MAN1C1: variants seen among roughly 807,000 people sequenced by gnomAD.
The protein encoded by MAN1C1 is mannosyl-oligosaccharide 1,2-alpha-mannosidase IC.
Under a neutral mutation model 71.5 loss-of-function variants are expected in MAN1C1, and 49 were observed. That is an observed-to-expected ratio of 0.69 (90% CI 0.54 to 0.87). The LOEUF (loss-of-function observed/expected upper bound fraction) is 0.87, where lower values mean the gene tolerates loss of function less well. Among genes scored for constraint, MAN1C1 ranks in the 40% least tolerant of loss-of-function variants. MAN1C1 has a pLI of 0.00. For synonymous variants in MAN1C1, 352 were observed against 343.7 expected, an observed-to-expected ratio of 1.02 and a Z score of -0.27; for missense variants, 743 against 835.0, an observed-to-expected ratio of 0.89 and a Z score of 1.36.
At position 25,617,946 on chromosome 1, in the gene MAN1C1, A is replaced by T; in HGVS notation, c.149A>T (p.Lys50Met). 1 of 1,607,712 alleles carries T rather than the reference A, an allele frequency of 6.2e-7. No individual in the cohort carries two copies. The highest frequency in any genetic ancestry group is 1.1e-5 in the South Asian group (1 of 90,388). ...LFLLPHSSRL[K>M]RLFLAPRTQQ... is the part of the protein sequence containing the mutation. The stretch of plus-strand genomic sequence containing the variant: ...CTGCTGCCCCACTCCTCTCGCCTCA[A>T]GCGCCTCTTCCTGGCCCCCCGGACC... Residue 50 changes from lysine to methionine, a missense_variant, in exon 1 of 12, where the codon AAG becomes ATG. Coordinates refer to ENST00000374332, the MANE Select transcript of MAN1C1 (RefSeq NM_020379.4). The surrounding 1 kb of genome is among the most constrained non-coding windows in gnomAD (Gnocchi z 5.1).
chr1:25,730,578 T>G lies in MAN1C1; in HGVS notation c.638-16090T>G, dbSNP rs1353808467. ...GGCTTCGATCTTTAGGAAATTGAAC[T>G]GTGTGTTTTCTCTGAAGCGGAGAGC... On this transcript the variant is annotated intron_variant, in intron 2 of 11. Coordinates refer to ENST00000374332, the MANE Select transcript of MAN1C1 (RefSeq NM_020379.4). The surrounding 1 kb of genome is among the most constrained non-coding windows in gnomAD (Gnocchi z 4.3). Among the ~76,000 whole-genome samples, 2 of 152,132 alleles carry G rather than the reference T, an allele frequency of 1.3e-5. No homozygotes were observed. Among genetic ancestry groups the G allele is most frequent in the African/African-American group, 2.4e-5 (1 of 41,426 alleles).
At chr1:25,694,664 C>T (rs1033403754) in intron 2 of MAN1C1, among the ~76,000 whole-genome samples, 7 of 152,186 alleles carry the variant, frequency 4.6e-5, no homozygotes, top group Admixed American at 3.9e-4. Flanking sequence ...TCATACTCTC[C>T]CCCTCCACAC....
intron 1 of MAN1C1, among the ~76,000 whole-genome samples, chr1:25,641,523 G>GT (rs879597089): frequency 2.0e-5 from 3 of 152,178 alleles, no homozygotes; most frequent in Non-Finnish European, 4.4e-5. Flanking sequence ...TTAGACCAGG[G>GT]TATCTACCCT....
chr1:25,781,500 C>T (rs1423628563), intron 10 of MAN1C1, among the ~76,000 whole-genome samples: 1 of 152,186 alleles, frequency 6.6e-6, no homozygotes, highest in African/African-American at 2.4e-5. Context: ...CACCTCCCTC[C>T]TCTTCCCACA....
chr1:25,722,463 T>C (rs778777982), intron 2 of MAN1C1, among the ~76,000 whole-genome samples: 15 of 152,240 alleles, frequency 9.9e-5, no homozygotes, highest in Non-Finnish European at 1.6e-4. Context: ...CTCTTCATTT[T>C]TGGTTCTACT....
chr1:25,747,580 G>A (rs1253688026), intron 3 of MAN1C1, among the ~76,000 whole-genome samples: 1 of 152,178 alleles, frequency 6.6e-6, no homozygotes, highest in Non-Finnish European at 1.5e-5. Context: ...ACAGGTCTGG[G>A]GCTGGTTCCT....
chr1:25,769,176 CAT>C lies in MAN1C1; in HGVS notation c.1142-2480_1142-2479del. 6.6e-6 allele frequency among the ~76,000 whole-genome samples: 1 copy of C among 150,378 alleles called. No individual in the cohort carries two copies. Among genetic ancestry groups the C allele is most frequent in the South Asian group, 2.1e-4 (1 of 4,744 alleles). ...ACACATTCCACACACACACCCCACA[CAT>C]TACACACACTCGCCTCATGCACACA... On this transcript the variant is annotated intron_variant, in intron 7 of 11. Coordinates refer to ENST00000374332, the MANE Select transcript of MAN1C1 (RefSeq NM_020379.4). This position sits in a 1 kb window ranked among gnomAD's most constrained non-coding sequence, Gnocchi z 4.8.
chr1:25,771,377 G>A (rs976414081), intron 7 of MAN1C1, among the ~76,000 whole-genome samples: 1 of 151,898 alleles, frequency 6.6e-6, no homozygotes, highest in Non-Finnish European at 1.5e-5. Flanking sequence ...AGGCCCTGCC[G>A]TCCCCAGCCT....
intron 1 of MAN1C1, among the ~76,000 whole-genome samples, chr1:25,679,167 C>T (rs542585123): frequency 3.9e-5 from 6 of 152,256 alleles, no homozygotes; most frequent in South Asian, 2.1e-4. Flanking sequence ...GTGGGAGAAG[C>T]GGGCATGAGG....
In MAN1C1 at chr1:25,746,747, C is replaced by T; in HGVS notation, c.717C>T (p.Ala239=). ...AGCTGAAGGAGGAGTTCCAGGAGGCCAAGGCCTGGGTGGGAGAGAGCTTCC... is the reference window on the plus strand; with the variant it reads ...AGCTGAAGGAGGAGTTCCAGGAGGCTAAGGCCTGGGTGGGAGAGAGCTTCC... ...LMELKEEFQE[A]KAWVGESFHL... Residue 239 remains alanine (A), a synonymous_variant, in exon 3 of 12, where the codon GCC becomes GCT. Transcript: ENST00000374332. The surrounding 1 kb of genome is among the most constrained non-coding windows in gnomAD (Gnocchi z 4.0). The T allele has an allele frequency of 6.2e-7, 1 of 1,612,136 alleles. No homozygotes were observed. Among genetic ancestry groups the T allele is most frequent in the Non-Finnish European group, 8.5e-7 (1 of 1,179,604 alleles).
intron 1 of MAN1C1, among the ~76,000 whole-genome samples, chr1:25,637,868 T>C (rs143340840): frequency 6.6e-6 from 1 of 151,604 alleles, no homozygotes; most frequent in African/African-American, 2.4e-5. Flanking sequence ...TCAGCTTTCA[T>C]ATGATTAGTG....
intron 1 of MAN1C1, among the ~76,000 whole-genome samples, chr1:25,683,278 G>T (rs2046180470): frequency 6.6e-6 from 1 of 152,144 alleles, no homozygotes; most frequent in East Asian, 1.9e-4. Context: ...AGCTTCCCTT[G>T]AGACACACAC....
rs749227451 is a variant in MAN1C1, at chr1:25,631,844, C to T, written c.540+13507C>T. On this transcript the variant is annotated intron_variant, in intron 1 of 11. Coordinates refer to ENST00000374332, the MANE Select transcript of MAN1C1 (RefSeq NM_020379.4). This position sits in a 1 kb window ranked among gnomAD's most constrained non-coding sequence, Gnocchi z 4.2. Reference sequence around the variant, plus strand: ...GGAGTGTAGTGGCGCGATCTCAGCTCACTGCAACCTCTGCCTGCTTAGGTT... The same window carrying T: ...GGAGTGTAGTGGCGCGATCTCAGCTTACTGCAACCTCTGCCTGCTTAGGTT... Among the ~76,000 whole-genome samples, 8 of 152,156 alleles carry T rather than the reference C, an allele frequency of 5.3e-5. No individual in the cohort carries two copies. Among genetic ancestry groups the T allele is most frequent in the Non-Finnish European group, 1.2e-4 (8 of 68,024 alleles).
chr1:25,653,517 C>T (rs2045721725), intron 1 of MAN1C1, among the ~76,000 whole-genome samples: 1 of 152,218 alleles, frequency 6.6e-6, no homozygotes, highest in Non-Finnish European at 1.5e-5. Flanking sequence ...CTTGTCATCC[C>T]ACCCTGGAGG....
At chr1:25,743,179 G>A (rs753918350) in intron 2 of MAN1C1, among the ~76,000 whole-genome samples, 4 of 152,144 alleles carry the variant, frequency 2.6e-5, no homozygotes, top group African/African-American at 7.2e-5. Context: ...GGCTCATAGC[G>A]GCATTTGAAC....
In MAN1C1 at chr1:25,783,654, G is replaced by A. The variant is rs759441118; in HGVS notation, c.1767-9G>A. 1 of 1,610,920 alleles carries A rather than the reference G, an allele frequency of 6.2e-7. No individual in the cohort carries two copies. The highest frequency in any genetic ancestry group is 1.1e-5 in the South Asian group (1 of 91,054). ...TGTGTCTTGCTTCCCTGCCCTGCGT[G>A]GGGCACAGGTATCTCTATCTTCTGT... is the stretch of plus-strand genomic sequence containing the variant. On this transcript the variant is annotated splice_polypyrimidine_tract_variant and intron_variant, in intron 11 of 11. Transcript: ENST00000374332.
At position 25,764,633 on chromosome 1, in the gene MAN1C1, G is replaced by A. The variant is rs1229728169; in HGVS notation, c.1141+666G>A. On this transcript the variant is annotated intron_variant, in intron 7 of 11. Transcript: ENST00000374332. The surrounding 1 kb of genome is among the most constrained non-coding windows in gnomAD (Gnocchi z 4.4). ...TTTAGTAGAGATGTTGGCCAAGCTG[G>A]TCTCGAACTCCTGACCTCAAATGAT... 6.6e-6 allele frequency among the ~76,000 whole-genome samples: 1 copy of A among 151,958 alleles called. No individual in the cohort carries two copies. The highest frequency in any genetic ancestry group is 6.6e-5 in the Admixed American group (1 of 15,256).
At chr1:25,732,603 A>T (rs2046924216) in intron 2 of MAN1C1, among the ~76,000 whole-genome samples, 2 of 152,116 alleles carry the variant, frequency 1.3e-5, no homozygotes, top group African/African-American at 4.8e-5. Context: ...AGCCCTCAGG[A>T]TGGTTTGCAA....
At position 25,753,627 on chromosome 1, in the gene MAN1C1, A is replaced by T. The variant is rs1403616542; in HGVS notation, c.929+49A>T. The T allele has an allele frequency of 1.3e-6, 2 of 1,548,704 alleles. No individual in the cohort carries two copies. The highest frequency in any genetic ancestry group is 1.7e-5 in the Admixed American group (1 of 57,800). On this transcript the variant is annotated intron_variant, in intron 5 of 11. Coordinates refer to ENST00000374332, the MANE Select transcript of MAN1C1 (RefSeq NM_020379.4). This position sits in a 1 kb window ranked among gnomAD's most constrained non-coding sequence, Gnocchi z 4.9. ...CTGGGGCTTTACTGCGACCATGCCC[A>T]CCATTTGTGTTTTGTCTGGGTGGTG...
Sources: allele counts gnomAD v4.1 joint callset (sites outside exome capture counted in the v4.1 genomes callset), GRCh38; gene constraint gnomAD v4.1.1; non-coding constraint Gnocchi (gnomAD v3.1); transcripts MANE v1.5; gene names NCBI Gene and HGNC (gene_info 2026-07-23, HGNC 2026-07-21).